WWOX: variants seen among roughly 807,000 people sequenced by gnomAD.
WWOX encodes the protein WW domain-containing oxidoreductase.
In WWOX, 69 loss-of-function variants were observed where a neutral mutation model predicts 46.2. The ratio of observed to expected loss-of-function variants is 1.49; its 90% CI spans 1.23 to 1.82. The LOEUF (loss-of-function observed/expected upper bound fraction) is 1.82, where lower values mean the gene tolerates loss of function less well. Among genes scored for constraint, WWOX ranks in the 40% most tolerant of loss-of-function variants. The pLI is 0.00. For synonymous variants in WWOX, 359 were observed against 202.6 expected (o/e 1.77, Z -6.56); for missense variants, 919 against 542.6 (o/e 1.69, Z -6.89).
At chr16:78,625,505 A>G (rs1405767591) in intron 8 of WWOX, among the ~76,000 whole-genome samples, 1 of 152,124 alleles carries the variant, frequency 6.6e-6, no homozygotes, top group East Asian at 1.9e-4. Flanking sequence ...GATTTAAAGA[A>G]AAATCAAGAC....
intron 8 of WWOX, among the ~76,000 whole-genome samples, chr16:78,971,094 T>C (rs1274908753): frequency 6.6e-6 from 1 of 152,048 alleles, no homozygotes; most frequent in East Asian, 1.9e-4. Flanking sequence ...TATATCAATA[T>C]ATATATCAGG....
At chr16:78,099,938 C>G in intron 1 of WWOX, 53 bp downstream of exon 1, 3 of 1,536,714 alleles carry the variant, frequency 2.0e-6, no homozygotes, top group Non-Finnish European at 2.6e-6. Flanking sequence ...GCACAGCCCA[C>G]GGACGCCACC....
In WWOX at chr16:78,449,916, A is replaced by G. The variant is rs192162218; in HGVS notation, c.1056+17164A>G. ...CGTGAACTTTTTTTTTTTTTAAGCC[A>G]TAAAGCTTGGTAAGGCTAGCCAATC... On this transcript the variant is annotated intron_variant, in intron 8 of 8. Transcript: ENST00000566780. Among the ~76,000 whole-genome samples, 783 of 151,818 alleles carry G rather than the reference A, an allele frequency of 5.2e-3. 5 individuals are homozygous for G. Among genetic ancestry groups the G allele is most frequent in the Non-Finnish European group, 7.9e-3 (535 of 67,948 alleles).
intron 6 of WWOX, among the ~76,000 whole-genome samples, chr16:78,416,933 A>G (rs1040013805): frequency 6.6e-6 from 1 of 152,024 alleles, no homozygotes; most frequent in African/African-American, 2.4e-5. Context: ...GGAAAATAAC[A>G]TGGCTGAGCT....
At chr16:78,324,395 T>C (rs1017963734) in intron 5 of WWOX, among the ~76,000 whole-genome samples, 1 of 152,062 alleles carries the variant, frequency 6.6e-6, no homozygotes, top group Non-Finnish European at 1.5e-5. Context: ...GTTCCTCCAA[T>C]AGTCAAGAGT....
chr16:79,133,322 C>G (rs1369816966), intron 8 of WWOX, among the ~76,000 whole-genome samples: 1 of 152,178 alleles, frequency 6.6e-6, no homozygotes, highest in African/African-American at 2.4e-5. Context: ...AATTTTCCAC[C>G]TTGCCAAATT....
chr16:78,974,601 T>C (rs1288436527), intron 8 of WWOX, among the ~76,000 whole-genome samples: 3 of 152,258 alleles, frequency 2.0e-5, no homozygotes, highest in Admixed American at 6.5e-5. Flanking sequence ...TTGTTTTTTA[T>C]TTAGCACAAA....
intron 8 of WWOX, among the ~76,000 whole-genome samples, chr16:78,750,938 A>C (rs2049461858): frequency 6.6e-6 from 1 of 152,132 alleles, no homozygotes; most frequent in Non-Finnish European, 1.5e-5. Flanking sequence ...TGTTGTGGGT[A>C]GTGCTGCCAA....
intron 8 of WWOX, among the ~76,000 whole-genome samples, chr16:78,765,288 A>G (rs1214863261): frequency 6.6e-6 from 1 of 152,244 alleles, no homozygotes; most frequent in Non-Finnish European, 1.5e-5. Context: ...GGATGGGCTT[A>G]GGGACAGTGA....
intron 8 of WWOX, among the ~76,000 whole-genome samples, chr16:79,088,132 C>T (rs540575494): frequency 1.3e-5 from 2 of 152,288 alleles, no homozygotes; most frequent in African/African-American, 4.8e-5. Flanking sequence ...GGAGAACCAT[C>T]AGATAGAAGC....
chr16:78,928,102 T>C (rs8052474), intron 8 of WWOX, among the ~76,000 whole-genome samples: 52,188 of 151,984 alleles, frequency 0.34, 9,639 homozygotes, highest in Admixed American at 0.47. Context: ...AAGCCTTTTG[T>C]CCGTATGTAT....
chr16:78,464,978 A>G (rs905571747), intron 8 of WWOX, among the ~76,000 whole-genome samples: 3 of 152,202 alleles, frequency 2.0e-5, no homozygotes, highest in African/African-American at 7.2e-5. Flanking sequence ...GCAGAAGGCA[A>G]AGGAGGAGCA....
chr16:78,970,396 G>A (rs759039432), intron 8 of WWOX, among the ~76,000 whole-genome samples: 4 of 152,104 alleles, frequency 2.6e-5, no homozygotes, highest in Non-Finnish European at 5.9e-5. Context: ...GCCCAGCATC[G>A]TCCTTATTGT....
chr16:78,551,694 TGAG>T (rs1379528407), intron 8 of WWOX: 1 of 140,440 alleles, frequency 7.1e-6, no homozygotes, highest in African/African-American at 2.6e-5. Flanking sequence ...ACAGGCAGGC[TGAG>T]GAGCGCTTAA....
intron 8 of WWOX, among the ~76,000 whole-genome samples, chr16:78,909,935 G>C (rs1328611628): frequency 1.3e-5 from 2 of 152,082 alleles, no homozygotes; most frequent in African/African-American, 4.8e-5. Context: ...GATATTTCTG[G>C]GGTTTCATCT....
At chr16:78,389,516 C>G (rs532576004) in intron 6 of WWOX, among the ~76,000 whole-genome samples, 2 of 152,286 alleles carry the variant, frequency 1.3e-5, no homozygotes, top group South Asian at 4.1e-4. Context: ...AGCTCATTTA[C>G]TGAGGGCTTA....
At chr16:78,459,963 C>T (rs1417945837) in intron 8 of WWOX, among the ~76,000 whole-genome samples, 1 of 151,650 alleles carries the variant, frequency 6.6e-6, no homozygotes, top group Non-Finnish European at 1.5e-5. Context: ...CGCCAGCACA[C>T]CCAGCTAATT....
rs1326231878 is a variant in WWOX, at chr16:78,144,446, T to TATATATATATATATATAC, written c.410-19736_410-19735insTATATATATATATATACA. Among the ~76,000 whole-genome samples, 5 of 9,964 alleles carry TATATATATATATATATAC rather than the reference T, an allele frequency of 5.0e-4. 1 individual carries two copies. Among genetic ancestry groups the TATATATATATATATATAC allele is most frequent in the Middle Eastern group, 0.029 (1 of 34 alleles). 6.5% of individuals were successfully genotyped at this position (9,964 alleles called of 152,430 possible). On this transcript the variant is annotated intron_variant, in intron 4 of 8. Transcript: ENST00000566780. Reference sequence around the variant, plus strand: ...TGCCATTACTATATATATATATATATACACATATATATATATACACACATA... The same window carrying TATATATATATATATATAC: ...TGCCATTACTATATATATATATATATATATATATATATATATACACACATATATATATATACACACATA...
chr16:78,246,869 C>T (rs1466536067), intron 5 of WWOX, among the ~76,000 whole-genome samples: 1 of 151,914 alleles, frequency 6.6e-6, no homozygotes, highest in Non-Finnish European at 1.5e-5. Flanking sequence ...CTGTCCCTGA[C>T]TCCCGAGAGA....
Sources: gnomAD v4.1 joint callset for allele counts (sites outside exome capture counted in the v4.1 genomes callset) on GRCh38, gnomAD v4.1.1 for gene constraint, MANE v1.5 for transcripts, NCBI Gene and HGNC (gene_info 2026-07-23, HGNC 2026-07-21) for gene names.